The following PGM5 variants were observed in gnomAD, a reference collection of about 807,000 sequenced individuals.
The protein encoded by PGM5 is phosphoglucomutase 5, also known as phosphoglucomutase-like protein 5.
PGM5 carries 23 observed loss-of-function variants against 59.2 expected under a neutral mutation model. That is an observed-to-expected ratio of 0.39 (90% CI 0.28 to 0.55). PGM5 has a LOEUF of 0.55. PGM5 is among the 20% of genes least tolerant of loss of function. PGM5 has a pLI of 0.66. For synonymous variants in PGM5, 214 were observed against 286.0 expected (o/e 0.75, Z 2.54); for missense variants, 574 against 748.3 (o/e 0.77, Z 2.72).
chr9:68,483,847 C>T lies in PGM5; in HGVS notation c.1296-18C>T, dbSNP rs1824240196. 1 of 1,611,344 alleles carries T rather than the reference C, an allele frequency of 6.2e-7. No homozygotes were observed. Among genetic ancestry groups the T allele is most frequent in the South Asian group, 1.1e-5 (1 of 90,996 alleles). ...TGGTTCTCTGATTAGGTTTCTGTTC[C>T]TCCTGTGTCCTCACCAGGTTTGACT... On this transcript the variant is annotated intron_variant, in intron 8 of 10. Coordinates refer to ENST00000396396, the MANE Select transcript of PGM5 (RefSeq NM_021965.4).
chr9:68,529,720 C>T lies in PGM5; in HGVS notation c.*64C>T, dbSNP rs1825051492. On this transcript the variant is annotated 3_prime_UTR_variant, in exon 11 of 11. Transcript: ENST00000396396. ...TCAGCGGGAGATGCTTCACTGATGCCTTCTTGCTACCTGTTTGTGCCTCTT... is the reference window on the plus strand; with the variant it reads ...TCAGCGGGAGATGCTTCACTGATGCTTTCTTGCTACCTGTTTGTGCCTCTT... 2 of 931,190 alleles carry T rather than the reference C, an allele frequency of 2.1e-6. No individual in the cohort carries two copies. Among genetic ancestry groups the T allele is most frequent in the Non-Finnish European group, 3.2e-6 (2 of 633,664 alleles). The allele number at this position is 931,190 out of a possible 1,614,324, so 57.7% of individuals were successfully genotyped here. A position where few individuals can be genotyped will look rare whatever the true frequency, so the allele number is the denominator to read the frequency against.
intron 6 of PGM5, among the ~76,000 whole-genome samples, chr9:68,432,968 A>G (rs1823380248): frequency 6.6e-6 from 1 of 152,158 alleles, no homozygotes; most frequent in Admixed American, 6.6e-5. Context: ...GGAATCTTGT[A>G]CACAATAATT....
intron 10 of PGM5, among the ~76,000 whole-genome samples, chr9:68,527,048 C>T (rs562419879): frequency 3.3e-5 from 5 of 152,202 alleles, no homozygotes; most frequent in South Asian, 4.1e-4. Context: ...GAGCTACGGA[C>T]GTGAGTCAGG....
At chr9:68,491,645 A>G (rs1824392292) in intron 9 of PGM5, among the ~76,000 whole-genome samples, 1 of 152,182 alleles carries the variant, frequency 6.6e-6, no homozygotes, top group Non-Finnish European at 1.5e-5. Flanking sequence ...TGATTTTCCT[A>G]TTTGTCCTCT....
rs1554675774 is a variant in PGM5, at chr9:68,357,150, T to G, written c.23T>G (p.Val8Gly). 1 of 1,532,826 alleles carries G rather than the reference T, an allele frequency of 6.5e-7. No individual in the cohort carries two copies. Among genetic ancestry groups the G allele is most frequent in the Non-Finnish European group, 8.7e-7 (1 of 1,144,274 alleles). 95.0% of individuals were successfully genotyped at this position (1,532,826 alleles called of 1,614,324 possible). The part of the protein sequence containing the change: MEGSPIP[V>G]LTVPTAPYED... Reference sequence around the variant, plus strand: ...GCCATGGAGGGGAGCCCCATCCCGGTGCTGACAGTGCCCACCGCGCCCTAC... The same window carrying G: ...GCCATGGAGGGGAGCCCCATCCCGGGGCTGACAGTGCCCACCGCGCCCTAC... The change falls in exon 1 of 11, where the codon GTG becomes GGG. Residue 8 changes from valine (V) to glycine (G), a missense_variant. Coordinates refer to ENST00000396396, the MANE Select transcript of PGM5 (RefSeq NM_021965.4).
At chr9:68,377,912 C>T (rs1357715723) in intron 1 of PGM5, among the ~76,000 whole-genome samples, 3 of 152,140 alleles carry the variant, frequency 2.0e-5, no homozygotes, top group Non-Finnish European at 2.9e-5. Context: ...AAGCTAACCC[C>T]TCGATTATCA....
Position 68,427,347 on chromosome 9 carries a change from C to A in PGM5, c.1043+34874C>A, listed in dbSNP as rs79124235. Among the ~76,000 whole-genome samples the A allele has an allele frequency of 6.0e-3, 907 of 152,284 alleles. 14 individuals carry two copies. Among genetic ancestry groups the A allele is most frequent in the African/African-American group, 0.021 (858 of 41,568 alleles). On this transcript the variant is annotated intron_variant, in intron 6 of 10. Transcript: ENST00000396396. ...CAGAGATGGAGGTGACAGAAGGGGCCTCTGCAATGTTATTTGACAACCATA... is the reference window on the plus strand; with the variant it reads ...CAGAGATGGAGGTGACAGAAGGGGCATCTGCAATGTTATTTGACAACCATA...
At chr9:68,365,128 T>A (rs1406642876) in intron 1 of PGM5, among the ~76,000 whole-genome samples, 130 of 146,626 alleles carry the variant, frequency 8.9e-4, no homozygotes, top group African/African-American at 2.9e-3. Flanking sequence ...GGTATTGGAA[T>A]CATTAATCCT....
chr9:68,366,336 C>G (rs1834677634), intron 1 of PGM5, among the ~76,000 whole-genome samples: 1 of 152,162 alleles, frequency 6.6e-6, no homozygotes, highest in East Asian at 1.9e-4. Context: ...TATGACACAA[C>G]TGCACAATAT....
At position 68,356,734 on chromosome 9, in the gene PGM5, G is replaced by T. The variant is rs1408070471; in HGVS notation, c.-394G>T. On this transcript the variant is annotated 5_prime_UTR_variant, in exon 1 of 11. Transcript: ENST00000396396. Reference sequence around the variant, plus strand: ...GTGCCCCGGAGGGCGGCGATCGCGGGTGAAGGCTGGGGCCAGGCGCGGGTG... The same window carrying T: ...GTGCCCCGGAGGGCGGCGATCGCGGTTGAAGGCTGGGGCCAGGCGCGGGTG... 3.3e-5 allele frequency among the ~76,000 whole-genome samples: 5 copies of T among 152,240 alleles called. No individual in the cohort carries two copies. Among genetic ancestry groups the T allele is most frequent in the Admixed American group, 2.6e-4 (4 of 15,288 alleles).
At chr9:68,402,418 T>C (rs1822697451) in intron 6 of PGM5, 1 of 152,252 alleles carries the variant, frequency 6.6e-6, no homozygotes, top group South Asian at 2.1e-4. Flanking sequence ...ATTGCTCTCT[T>C]TGAATGACTC....
intron 9 of PGM5, among the ~76,000 whole-genome samples, chr9:68,487,458 G>GCACTTA (rs1554687617): frequency 5.5e-5 from 5 of 90,672 alleles, no homozygotes; most frequent in Non-Finnish European, 1.1e-4. Flanking sequence ...TGTGTCACAC[G>GCACTTA]CACATACACA....
intron 6 of PGM5, among the ~76,000 whole-genome samples, chr9:68,416,292 C>T (rs1823030911): frequency 6.6e-6 from 1 of 152,200 alleles, no homozygotes; most frequent in Non-Finnish European, 1.5e-5. Context: ...GGCAGTAGTG[C>T]ATGATGATGT....
At chr9:68,498,330 C>T (rs1157687924) in intron 9 of PGM5, 1 of 152,118 alleles carries the variant, frequency 6.6e-6, no homozygotes, top group Admixed American at 6.5e-5. Flanking sequence ...AAATGCATAT[C>T]TGATTGTTCC....
chr9:68,400,031 T>A (rs1399889719), intron 6 of PGM5, among the ~76,000 whole-genome samples: 1 of 152,136 alleles, frequency 6.6e-6, no homozygotes, highest in Non-Finnish European at 1.5e-5. Flanking sequence ...CATTCCTACA[T>A]TTCCTTTTCT....
intron 6 of PGM5, among the ~76,000 whole-genome samples, chr9:68,448,355 C>G (rs1554684131): frequency 6.6e-6 from 1 of 152,148 alleles, no homozygotes; most frequent in East Asian, 1.9e-4. Context: ...TGGGGAGACA[C>G]TTAGGGAAGG....
intron 9 of PGM5, among the ~76,000 whole-genome samples, chr9:68,486,599 C>T (rs1554687553): frequency 2.6e-5 from 4 of 152,180 alleles, no homozygotes. Flanking sequence ...CACTTTGTAC[C>T]ATATATCAGT....
At chr9:68,445,226 G>C (rs1823593065) in intron 6 of PGM5, among the ~76,000 whole-genome samples, 1 of 151,968 alleles carries the variant, frequency 6.6e-6, no homozygotes, top group East Asian at 1.9e-4. Flanking sequence ...AAAATCCCTT[G>C]TAAAATGCAG....
intron 6 of PGM5, among the ~76,000 whole-genome samples, chr9:68,438,696 G>A (rs1823479567): frequency 6.6e-6 from 1 of 152,190 alleles, no homozygotes; most frequent in African/African-American, 2.4e-5. Flanking sequence ...CTGATGATGA[G>A]TTTCTCTTTT....
Sources: gnomAD v4.1 joint callset for allele counts (sites outside exome capture counted in the v4.1 genomes callset) on GRCh38, gnomAD v4.1.1 for gene constraint, MANE v1.5 for transcripts, NCBI Gene and HGNC (gene_info 2026-07-23, HGNC 2026-07-21) for gene names.